CAPN13: variants seen among roughly 807,000 people sequenced by gnomAD.
CAPN13 encodes calpain-13.
A neutral mutation model predicts 98.4 loss-of-function variants in CAPN13; 90 were observed. The observed-to-expected ratio is 0.92, with a 90% CI of 0.77 to 1.09. The LOEUF (loss-of-function observed/expected upper bound fraction) is 1.09. Ranked by LOEUF, CAPN13 falls within the 50% of genes least tolerant of loss-of-function variation. The pLI is 0.00. For synonymous variants in CAPN13, 330 were observed against 305.5 expected, an observed-to-expected ratio of 1.08 and a Z score of -0.84; for missense variants, 887 against 841.3, an observed-to-expected ratio of 1.05 and a Z score of -0.67.
intron 3 of CAPN13, 112 bp from the exon 4 acceptor site, chr2:30,776,157 A>G: frequency 1.7e-6 from 1 of 594,696 alleles, no homozygotes; most frequent in Non-Finnish European, 2.9e-6. Context: ...TAAATAATGC[A>G]TTTTTTTTTC....
intron 7 of CAPN13, among the ~76,000 whole-genome samples, chr2:30,762,399 C>G (rs769790658): frequency 9.2e-5 from 14 of 152,210 alleles, no homozygotes; most frequent in Non-Finnish European, 1.8e-4. Context: ...CCCAGCTAGA[C>G]AGTGTATGTC....
chr2:30,794,550 T>G (rs970394162), intron 1 of CAPN13, among the ~76,000 whole-genome samples: 9 of 151,850 alleles, frequency 5.9e-5, no homozygotes, highest in African/African-American at 2.2e-4. Flanking sequence ...GTCCTAGGAA[T>G]TTACCCAAGA....
At chr2:30,782,431 T>C (rs4597574) in intron 2 of CAPN13, among the ~76,000 whole-genome samples, 78,266 of 152,124 alleles carry the variant, frequency 0.51, 21,143 homozygotes, top group South Asian at 0.67. Context: ...CACTTGGCTG[T>C]TTGCAGGGTC....
chr2:30,801,250 C>T (rs775189251), intron 1 of CAPN13, among the ~76,000 whole-genome samples: 1 of 152,020 alleles, frequency 6.6e-6, no homozygotes, highest in African/African-American at 2.4e-5. Flanking sequence ...TTATATAATC[C>T]GTTTATTCTT....
chr2:30,724,803 A>G (rs1474001734), intron 22 of CAPN13, among the ~76,000 whole-genome samples: 1 of 152,160 alleles, frequency 6.6e-6, no homozygotes, highest in Non-Finnish European at 1.5e-5. Flanking sequence ...TCAGTCTTCA[A>G]CCGAACATCT....
chr2:30,757,388 C>T (rs1672507909), intron 8 of CAPN13, among the ~76,000 whole-genome samples: 1 of 152,242 alleles, frequency 6.6e-6, no homozygotes, highest in African/African-American at 2.4e-5. Context: ...GACCACACAG[C>T]TGGGCCCCCA....
intron 17 of CAPN13, 159 bp downstream of exon 17, chr2:30,738,076 G>GT: frequency 1.4e-6 from 1 of 718,926 alleles, no homozygotes; most frequent in Non-Finnish European, 2.5e-6. Context: ...GCTGTGGTAT[G>GT]TTAGTGAGTT....
chr2:30,763,866 G>A (rs996474799), intron 6 of CAPN13, among the ~76,000 whole-genome samples: 1 of 152,236 alleles, frequency 6.6e-6, no homozygotes, highest in Admixed American at 6.5e-5. Context: ...TGGAAGACTT[G>A]TCGAGCCACT....
intron 2 of CAPN13, among the ~76,000 whole-genome samples, chr2:30,779,176 T>C (rs1673857083): frequency 6.6e-6 from 1 of 152,158 alleles, no homozygotes; most frequent in Non-Finnish European, 1.5e-5. Context: ...ACAGCTCTTC[T>C]TCACTGTGGT....
chr2:30,752,397 C>G lies in CAPN13; in HGVS notation c.1087+656G>C, dbSNP rs539317935. 5.3e-4 allele frequency among the ~76,000 whole-genome samples: 80 copies of G among 152,306 alleles called. 1 individual carries two copies. Among genetic ancestry groups the G allele is most frequent in the African/African-American group, 1.8e-3 (74 of 41,564 alleles). On this transcript the variant is annotated intron_variant, in intron 10 of 22. Transcript: ENST00000295055. The stretch of plus-strand genomic sequence containing the variant: ...CTATTTCACTCAACAATGCCACAAA[C>G]AGGGAATGAGAGGGACAGGGAGGGA...
At chr2:30,806,031 C>T (rs1358108023) in intron 1 of CAPN13, 6 of 152,164 alleles carry the variant, frequency 3.9e-5, no homozygotes, top group Admixed American at 1.3e-4. Context: ...CTGTCCACCT[C>T]GGCCTCCCAA....
intron 1 of CAPN13, among the ~76,000 whole-genome samples, chr2:30,805,966 G>C (rs1385645727): frequency 6.6e-6 from 1 of 151,886 alleles, no homozygotes; most frequent in Non-Finnish European, 1.5e-5. Context: ...TTTTTGTAGA[G>C]ACAGGGTTTC....
In CAPN13 at chr2:30,743,390, T is replaced by C; in HGVS notation, c.1438A>G (p.Ser480Gly). 1.2e-6 allele frequency: 2 copies of C among 1,613,432 alleles called. No homozygotes were observed. The highest frequency in any genetic ancestry group is 1.7e-6 in the Non-Finnish European group (2 of 1,179,324). The change falls in exon 13 of 23, where the codon AGT becomes GGT. Residue 480 changes from serine (S) to glycine (G), a missense_variant. Coordinates refer to ENST00000295055, the MANE Select transcript of CAPN13 (RefSeq NM_144575.3). Reference sequence around the variant, plus strand: ...TCCCAGAGGGTTCTGTACCTGTCACTGTCTGGCATTTTCAGGAAGATTCGG... The same window carrying C: ...TCCCAGAGGGTTCTGTACCTGTCACCGTCTGGCATTTTCAGGAAGATTCGG... Reference protein sequence around the residue: ...LLRIFLKMPDSDRHLSSHFNL... With the variant: ...LLRIFLKMPDGDRHLSSHFNL...
At chr2:30,787,439 C>T in intron 1 of CAPN13, 82 bp from the exon 2 acceptor site, 1 of 1,005,916 alleles carries the variant, frequency 9.9e-7, no homozygotes, top group Non-Finnish European at 1.4e-6. Flanking sequence ...GATGGGCACT[C>T]TGATATACCA....
chr2:30,787,429 G>T, intron 1 of CAPN13, 72 bp from the exon 2 acceptor site: 1 of 1,178,084 alleles, frequency 8.5e-7, no homozygotes, highest in Non-Finnish European at 1.2e-6. Context: ...GTGAGCCCCA[G>T]ATGGGCACTC....
At chr2:30,759,308 G>A (rs1672699207) in intron 7 of CAPN13, among the ~76,000 whole-genome samples, 1 of 151,928 alleles carries the variant, frequency 6.6e-6, no homozygotes, top group African/African-American at 2.4e-5. Flanking sequence ...TTCAGATAAG[G>A]AGGTCTACCC....
chr2:30,780,613 T>G (rs1386262489), intron 2 of CAPN13, among the ~76,000 whole-genome samples: 8 of 152,244 alleles, frequency 5.3e-5, no homozygotes, highest in African/African-American at 1.9e-4. Flanking sequence ...GAAAATTCAA[T>G]GGTGATGATT....
intron 15 of CAPN13, 36 bp downstream of exon 15, chr2:30,741,872 A>G: frequency 6.2e-7 from 1 of 1,613,646 alleles, no homozygotes; most frequent in Non-Finnish European, 8.5e-7. Context: ...CCTTTCTCCA[A>G]TCCCACGTAA....
intron 18 of CAPN13, among the ~76,000 whole-genome samples, chr2:30,735,242 A>G (rs1223972548): frequency 6.6e-6 from 1 of 152,152 alleles, no homozygotes; most frequent in East Asian, 1.9e-4. Context: ...GGACACTGAT[A>G]CTCAGGCAGG....
Sources: allele counts gnomAD v4.1 joint callset (sites outside exome capture counted in the v4.1 genomes callset), GRCh38; gene constraint gnomAD v4.1.1; transcripts MANE v1.5; gene names NCBI Gene and HGNC (gene_info 2026-07-23, HGNC 2026-07-21).